XRCC5: variants seen among roughly 807,000 people sequenced by gnomAD.
XRCC5 encodes DNA repair protein Ku80.
Under a neutral mutation model 95.7 loss-of-function variants are expected in XRCC5, and 12 were observed. That is an observed-to-expected ratio of 0.13 (90% CI 0.08 to 0.20). The LOEUF (loss-of-function observed/expected upper bound fraction) is 0.20, where lower values mean the gene tolerates loss of function less well. Ranked by LOEUF, XRCC5 falls within the 10% of genes least tolerant of loss-of-function variation. XRCC5 has a pLI of 1.00. For missense variants in XRCC5, 595 were observed against 873.9 expected (o/e 0.68, Z 4.02); for synonymous variants, 281 against 290.3 (o/e 0.97, Z 0.33).
chr2:216,171,706 T>G (rs76285012), intron 16 of XRCC5, among the ~76,000 whole-genome samples: 1,989 of 152,324 alleles, frequency 0.013, 41 homozygotes, highest in African/African-American at 0.045. Flanking sequence ...CCCTTGCTCT[T>G]GGAATCCAAT....
chr2:216,167,709 C>G (rs542630016), intron 16 of XRCC5, among the ~76,000 whole-genome samples: 1 of 151,562 alleles, frequency 6.6e-6, no homozygotes, highest in Non-Finnish European at 1.5e-5. Flanking sequence ...AAAAATATGG[C>G]GTTTTTCTAC....
intron 5 of XRCC5, among the ~76,000 whole-genome samples, chr2:216,121,719 C>T (rs1179310473): frequency 6.6e-6 from 1 of 152,056 alleles, no homozygotes; most frequent in Non-Finnish European, 1.5e-5. Flanking sequence ...AGAGGCCAGT[C>T]GGAGAGAGTG....
At chr2:216,113,318 C>T (rs1196579478) in intron 2 of XRCC5, among the ~76,000 whole-genome samples, 189 bp downstream of exon 2, 3 of 152,136 alleles carry the variant, frequency 2.0e-5, no homozygotes, top group Admixed American at 6.5e-5. Flanking sequence ...TTTCTTCCCT[C>T]GTTTTGGCCC....
chr2:216,173,073 T>C (rs1689201039), intron 16 of XRCC5, among the ~76,000 whole-genome samples: 1 of 152,162 alleles, frequency 6.6e-6, no homozygotes, highest in Non-Finnish European at 1.5e-5. Context: ...AATTATTTAT[T>C]TATTATATCT....
chr2:216,192,491 A>G (rs1409724109), intron 17 of XRCC5, 148 bp from the exon 18 acceptor site: 2 of 472,410 alleles, frequency 4.2e-6, no homozygotes, highest in Middle Eastern at 3.3e-4. Context: ...TCAGTTTGGA[A>G]TGCCAGCTTC....
At chr2:216,178,875 G>A (rs1227113613) in intron 16 of XRCC5, among the ~76,000 whole-genome samples, 1 of 152,092 alleles carries the variant, frequency 6.6e-6, no homozygotes, top group Non-Finnish European at 1.5e-5. Context: ...CATTCCTTAG[G>A]CTTTTAGAGG....
chr2:216,140,194 A>T (rs1459578330), intron 12 of XRCC5, among the ~76,000 whole-genome samples: 1 of 152,268 alleles, frequency 6.6e-6, no homozygotes, highest in African/African-American at 2.4e-5. Flanking sequence ...GTAAAAAAGA[A>T]ATATCTGATG....
At chr2:216,163,139 C>CTT (rs35554087) in intron 16 of XRCC5, among the ~76,000 whole-genome samples, 1 of 147,946 alleles carries the variant, frequency 6.8e-6, no homozygotes, top group African/African-American at 2.5e-5. Flanking sequence ...AGGGGAATCA[C>CTT]TTTTTTTTTT....
At chr2:216,133,859 CA>C (rs1210013884) in intron 10 of XRCC5, among the ~76,000 whole-genome samples, 1 of 152,084 alleles carries the variant, frequency 6.6e-6, no homozygotes, top group African/African-American at 2.4e-5. Context: ...TAAAACAAAA[CA>C]AAAGAATGCC....
At chr2:216,137,929 A>G (rs1050665687) in intron 11 of XRCC5, among the ~76,000 whole-genome samples, 160 bp from the exon 12 acceptor site, 2 of 152,242 alleles carry the variant, frequency 1.3e-5, no homozygotes, top group East Asian at 3.8e-4. Flanking sequence ...GTGAACAGCC[A>G]GTAGCAGAAG....
chr2:216,130,936 T>C lies in XRCC5; in HGVS notation c.999T>C (p.Tyr333=), dbSNP rs1249368303. Residue 333 remains tyrosine, a synonymous_variant, in exon 9 of 21, where the codon TAT becomes TAC. Transcript: ENST00000392132. The part of the protein sequence containing the change: ...FSKVDEEQMK[Y]KSEGKCFSVL... ...AAGTGGATGAGGAACAAATGAAATA[T>C]AAATCGGAGGGGAAGTGCTTCTCTG... 2.5e-6 allele frequency: 4 copies of C among 1,613,714 alleles called. No homozygotes were observed. The highest frequency in any genetic ancestry group is 3.4e-6 in the Non-Finnish European group (4 of 1,179,872).
chr2:216,160,250 AC>A, intron 15 of XRCC5, 89 bp downstream of exon 15: 1 of 820,530 alleles, frequency 1.2e-6, no homozygotes, highest in South Asian at 1.9e-5. Flanking sequence ...GTCCGTTCTT[AC>A]CACTTTCAAG....
intron 19 of XRCC5, among the ~76,000 whole-genome samples, chr2:216,198,415 C>T (rs1689771485): frequency 6.6e-6 from 1 of 152,206 alleles, no homozygotes; most frequent in African/African-American, 2.4e-5. Flanking sequence ...TGAGTACCCC[C>T]ACCTGTCACT....
At chr2:216,170,036 T>TGA (rs1689127846) in intron 16 of XRCC5, among the ~76,000 whole-genome samples, 1 of 31,828 alleles carries the variant, frequency 3.1e-5, no homozygotes, top group Admixed American at 5.1e-4. Flanking sequence ...AGACTGTGTC[T>TGA]CAAAAAAAAA....
intron 16 of XRCC5, among the ~76,000 whole-genome samples, chr2:216,162,375 C>G (rs890878277): frequency 2.6e-5 from 4 of 151,656 alleles, no homozygotes; most frequent in African/African-American, 9.7e-5. Flanking sequence ...TTTTATGTCA[C>G]ATCTTCCTAT....
At chr2:216,179,915 G>A (rs896444499) in intron 16 of XRCC5, among the ~76,000 whole-genome samples, 2 of 152,206 alleles carry the variant, frequency 1.3e-5, no homozygotes, top group African/African-American at 2.4e-5. Context: ...GTTAATCCAC[G>A]TGACCGGAGG....
intron 4 of XRCC5, among the ~76,000 whole-genome samples, chr2:216,118,719 A>T (rs1696747027): frequency 6.6e-6 from 1 of 152,218 alleles, no homozygotes; most frequent in Admixed American, 6.5e-5. Context: ...GGCTGAAGTT[A>T]GAGTATGCTG....
rs1696617003 is a variant in XRCC5 at position 216,113,069 on chromosome 2, T to A, written c.75T>A (p.Pro25=). The change falls in exon 2 of 21, where the codon CCT becomes CCA. Residue 25 remains proline, a synonymous_variant. Coordinates refer to ENST00000392132, the MANE Select transcript of XRCC5 (RefSeq NM_021141.4). ...DVGFTMSNSI[P]GIESPFEQAK... ...GCTTTACCATGAGTAACTCCATTCC[T>A]GGTATAGAATCCCCATTTGAACAAG... is the stretch of plus-strand genomic sequence containing the variant. 2 of 1,614,186 alleles carry A rather than the reference T, an allele frequency of 1.2e-6. No homozygotes were observed. The highest frequency in any genetic ancestry group is 1.7e-6 in the Non-Finnish European group (2 of 1,180,006).
chr2:216,199,808 A>ATTTTTTTTT (rs879564899), intron 19 of XRCC5, among the ~76,000 whole-genome samples: 1 of 121,886 alleles, frequency 8.2e-6, no homozygotes, highest in Non-Finnish European at 1.6e-5. Context: ...TGGCATTGGG[A>ATTTTTTTTT]TCTTTTTTTT....
Sources: allele counts gnomAD v4.1 joint callset (sites outside exome capture counted in the v4.1 genomes callset), GRCh38; gene constraint gnomAD v4.1.1; transcripts MANE v1.5; gene names NCBI Gene and HGNC (gene_info 2026-07-23, HGNC 2026-07-21).